The following MNAT1 variants were observed in gnomAD, a reference collection of about 807,000 sequenced individuals.
MNAT1 encodes CDK-activating kinase assembly factor MAT1.
A neutral mutation model predicts 42.0 loss-of-function variants in MNAT1; 43 were observed. That is an observed-to-expected ratio of 1.02 (90% CI 0.80 to 1.32). The LOEUF is 1.32. Ranked by LOEUF, MNAT1 falls within the 40% of genes most tolerant of loss-of-function variation. The probability of loss-of-function intolerance (pLI) is 0.00; values close to 1 mark genes in which losing one functional copy is unlikely to be tolerated. For synonymous variants in MNAT1, 118 were observed against 120.0 expected, an observed-to-expected ratio of 0.98 and a Z score of 0.11; for missense variants, 306 against 350.4, an observed-to-expected ratio of 0.87 and a Z score of 1.01.
rs189456025 is a variant in MNAT1, at chr14:60,961,590, C to T, written c.810-6639C>T. Reference sequence around the variant, plus strand: ...TCATGTTGGCTTCTCTTTTTATCCACATTCATCAAGCCCTACTTTCTCATT... The same window carrying T: ...TCATGTTGGCTTCTCTTTTTATCCATATTCATCAAGCCCTACTTTCTCATT... On this transcript the variant is annotated intron_variant, in intron 7 of 7. Transcript: ENST00000261245. Among the ~76,000 whole-genome samples the T allele has an allele frequency of 3.2e-3, 490 of 152,264 alleles. 3 individuals carry two copies. The highest frequency in any genetic ancestry group is 2.7e-3 in the Non-Finnish European group (187 of 68,024).
In MNAT1 at chr14:60,764,099, T is replaced by A. The variant is rs572295236; in HGVS notation, c.89+29148T>A. ...AGCTATACACAGTACTGTCTTTTAA[T>A]GATCACTTTTTAATGCGGTTAAGCC... On this transcript the variant is annotated intron_variant, in intron 1 of 7. Coordinates refer to ENST00000261245, the MANE Select transcript of MNAT1 (RefSeq NM_002431.4). Among the ~76,000 whole-genome samples the A allele has an allele frequency of 1.3e-4, 20 of 152,348 alleles. No homozygotes were observed. In the South Asian group the frequency reaches 3.9e-3, roughly 30 times the overall value.
intron 6 of MNAT1, among the ~76,000 whole-genome samples, chr14:60,858,188 C>T (rs550136891): frequency 1.3e-5 from 2 of 152,324 alleles, no homozygotes; most frequent in African/African-American, 4.8e-5. Flanking sequence ...TACACTCCTA[C>T]CAACAGTGTA....
At chr14:60,762,008 T>G (rs931499312) in intron 1 of MNAT1, among the ~76,000 whole-genome samples, 7 of 152,342 alleles carry the variant, frequency 4.6e-5, no homozygotes, top group African/African-American at 1.7e-4. Flanking sequence ...TTCTAGTGCT[T>G]TATACATTGC....
intron 1 of MNAT1, among the ~76,000 whole-genome samples, chr14:60,757,828 A>G (rs1450146088): frequency 6.6e-6 from 1 of 152,096 alleles, no homozygotes; most frequent in Non-Finnish European, 1.5e-5. Context: ...TGCTTTACTT[A>G]TTTTGTAATT....
At chr14:60,886,927 C>T (rs993449022) in intron 7 of MNAT1, among the ~76,000 whole-genome samples, 4 of 152,100 alleles carry the variant, frequency 2.6e-5, no homozygotes, top group East Asian at 1.9e-4. Context: ...TGAAAGTGGA[C>T]GTCCTTGTCT....
At chr14:60,964,446 A>C (rs1337414950) in intron 7 of MNAT1, among the ~76,000 whole-genome samples, 1 of 152,206 alleles carries the variant, frequency 6.6e-6, no homozygotes, top group Non-Finnish European at 1.5e-5. Context: ...TATTAAGAAA[A>C]TAATCAAAGG....
intron 6 of MNAT1, among the ~76,000 whole-genome samples, chr14:60,827,715 T>C (rs2033094530): frequency 6.6e-6 from 1 of 152,174 alleles, no homozygotes; most frequent in East Asian, 1.9e-4. Context: ...TCTCAAGTCT[T>C]GTGATATGCA....
At chr14:60,832,901 T>A (rs933029980) in intron 6 of MNAT1, among the ~76,000 whole-genome samples, 2 of 152,202 alleles carry the variant, frequency 1.3e-5, no homozygotes, top group African/African-American at 4.8e-5. Flanking sequence ...ACATCCCTTG[T>A]AAGTTATATT....
chr14:60,805,467 A>G (rs2032338822), intron 3 of MNAT1, among the ~76,000 whole-genome samples: 1 of 152,170 alleles, frequency 6.6e-6, no homozygotes, highest in African/African-American at 2.4e-5. Flanking sequence ...TGTATACCCT[A>G]TGAGTTTTGA....
intron 6 of MNAT1, among the ~76,000 whole-genome samples, chr14:60,874,972 A>G (rs114405010): frequency 0.013 from 1,993 of 152,258 alleles, 45 homozygotes; most frequent in African/African-American, 0.046. Context: ...CTTGAGAACC[A>G]TGGCATCTAT....
At chr14:60,823,448 T>A (rs1019701096) in intron 6 of MNAT1, among the ~76,000 whole-genome samples, 2 of 152,170 alleles carry the variant, frequency 1.3e-5, no homozygotes, top group Non-Finnish European at 2.9e-5. Context: ...GGAAAAAAAA[T>A]TTCTATCTTT....
chr14:60,900,864 T>C (rs554281013), intron 7 of MNAT1, among the ~76,000 whole-genome samples: 2 of 151,296 alleles, frequency 1.3e-5, no homozygotes, highest in East Asian at 3.9e-4. Context: ...GGCATGGTGA[T>C]GGGAGGTAGC....
chr14:60,905,530 A>G (rs1039104670), intron 7 of MNAT1, among the ~76,000 whole-genome samples: 2 of 152,224 alleles, frequency 1.3e-5, no homozygotes, highest in African/African-American at 4.8e-5. Flanking sequence ...ATCAGCAACC[A>G]GGAGAACCAG....
At chr14:60,851,278 A>T (rs2033813769) in intron 6 of MNAT1, among the ~76,000 whole-genome samples, 1 of 152,176 alleles carries the variant, frequency 6.6e-6, no homozygotes, top group Non-Finnish European at 1.5e-5. Flanking sequence ...ATGAATTTGT[A>T]CTTCTTTGTA....
At chr14:60,914,481 G>C (rs117316427) in intron 7 of MNAT1, among the ~76,000 whole-genome samples, 1 of 151,980 alleles carries the variant, frequency 6.6e-6, no homozygotes, top group Non-Finnish European at 1.5e-5. Context: ...GCTTTGAATG[G>C]TGTGTCTGGA....
intron 1 of MNAT1, among the ~76,000 whole-genome samples, chr14:60,786,529 A>G (rs1364530634): frequency 1.3e-5 from 2 of 152,160 alleles, no homozygotes; most frequent in African/African-American, 4.8e-5. Context: ...TATATCTGTT[A>G]ACATTTATCA....
At chr14:60,741,362 A>G (rs1353672191) in intron 1 of MNAT1, among the ~76,000 whole-genome samples, 1 of 151,790 alleles carries the variant, frequency 6.6e-6, no homozygotes, top group Non-Finnish European at 1.5e-5. Flanking sequence ...TTATGTATTT[A>G]TTATTTTTAT....
intron 1 of MNAT1, among the ~76,000 whole-genome samples, chr14:60,741,256 A>T (rs1414303943): frequency 1.3e-5 from 2 of 152,216 alleles, no homozygotes; most frequent in Non-Finnish European, 2.9e-5. Flanking sequence ...CAGTGGCACA[A>T]TCATAAACTC....
chr14:60,851,802 A>G (rs1213132029), intron 6 of MNAT1, among the ~76,000 whole-genome samples: 1 of 151,978 alleles, frequency 6.6e-6, no homozygotes, highest in Non-Finnish European at 1.5e-5. Flanking sequence ...ACATGCGGTG[A>G]TTGGTTTTCT....
Sources: gnomAD v4.1 joint callset for allele counts (sites outside exome capture counted in the v4.1 genomes callset) on GRCh38, gnomAD v4.1.1 for gene constraint, MANE v1.5 for transcripts, NCBI Gene and HGNC (gene_info 2026-07-23, HGNC 2026-07-21) for gene names.